Variants in TMEM184C observed in about 807,000 individuals in gnomAD.
TMEM184C encodes the protein transmembrane protein 184C, also known as transmembrane protein 34.
Under a neutral mutation model 54.5 loss-of-function variants are expected in TMEM184C, and 25 were observed. That is an observed-to-expected ratio of 0.46 (90% CI 0.33 to 0.64). The LOEUF (loss-of-function observed/expected upper bound fraction) is 0.64. Among genes scored for constraint, TMEM184C ranks in the 30% least tolerant of loss-of-function variants. The probability of loss-of-function intolerance (pLI) is 0.02; values close to 1 mark genes in which losing one functional copy is unlikely to be tolerated. For synonymous variants in TMEM184C, 148 were observed against 181.5 expected, an observed-to-expected ratio of 0.82 and a Z score of 1.49; for missense variants, 335 against 520.3, an observed-to-expected ratio of 0.64 and a Z score of 3.46.
intron 7 of TMEM184C, among the ~76,000 whole-genome samples, chr4:147,631,942 G>A (rs1732924130): frequency 6.6e-6 from 1 of 152,154 alleles, no homozygotes. Flanking sequence ...CACTTTGGGA[G>A]GCCAAGACAG....
intron 6 of TMEM184C, among the ~76,000 whole-genome samples, 170 bp from the exon 7 acceptor site, chr4:147,631,223 A>G (rs1324750401): frequency 6.6e-6 from 1 of 152,178 alleles, no homozygotes; most frequent in Non-Finnish European, 1.5e-5. Context: ...TATGTAGTAT[A>G]TATTCATCTA....
At chr4:147,631,806 A>G (rs1285011098) in intron 7 of TMEM184C, among the ~76,000 whole-genome samples, 1 of 152,224 alleles carries the variant, frequency 6.6e-6, no homozygotes, top group Non-Finnish European at 1.5e-5. Context: ...GGAAGAAAGC[A>G]TGATGTAGAA....
intron 1 of TMEM184C, among the ~76,000 whole-genome samples, chr4:147,623,435 A>G (rs1732750016): frequency 6.6e-6 from 1 of 151,190 alleles, no homozygotes; most frequent in African/African-American, 2.4e-5. Flanking sequence ...ACTGTCTCAA[A>G]AAAAAAAAAA....
At chr4:147,624,165 C>T in intron 3 of TMEM184C, 67 bp downstream of exon 3, 1 of 1,368,264 alleles carries the variant, frequency 7.3e-7, no homozygotes, top group Non-Finnish European at 1.0e-6. Context: ...TTACAGAATG[C>T]TTAAGATAAT....
At chr4:147,631,177 A>G (rs550381642) in intron 6 of TMEM184C, among the ~76,000 whole-genome samples, 1 of 152,246 alleles carries the variant, frequency 6.6e-6, no homozygotes, top group African/African-American at 2.4e-5. Context: ...GAACCCAGGA[A>G]GTGAACACTT....
chr4:147,628,552 G>A, intron 5 of TMEM184C, 117 bp downstream of exon 5: 1 of 798,488 alleles, frequency 1.3e-6, no homozygotes. Context: ...CTAGTCTGTT[G>A]TAAAAAAAAA....
chr4:147,626,546 A>G (rs1732818915), intron 4 of TMEM184C, among the ~76,000 whole-genome samples: 1 of 152,248 alleles, frequency 6.6e-6, no homozygotes, highest in Non-Finnish European at 1.5e-5. Flanking sequence ...TATGCAGTAC[A>G]GGACCATTTG....
At chr4:147,627,300 GT>G (rs35317897) in intron 4 of TMEM184C, among the ~76,000 whole-genome samples, 6,889 of 149,306 alleles carry the variant, frequency 0.046, 528 homozygotes, top group African/African-American at 0.16. Flanking sequence ...AGATTACTGT[GT>G]TTTTTTTTTG....
At chr4:147,630,616 T>C (rs1732899994) in intron 6 of TMEM184C, among the ~76,000 whole-genome samples, 2 of 152,078 alleles carry the variant, frequency 1.3e-5, no homozygotes, top group South Asian at 4.1e-4. Flanking sequence ...ATAGAAGTTA[T>C]GTATTTTAAG....
intron 4 of TMEM184C, among the ~76,000 whole-genome samples, chr4:147,625,488 A>T (rs1414489688): frequency 6.6e-6 from 1 of 152,248 alleles, no homozygotes; most frequent in African/African-American, 2.4e-5. Context: ...TTTGAAAAAT[A>T]AATTGAGTTT....
intron 5 of TMEM184C, among the ~76,000 whole-genome samples, chr4:147,628,986 T>C (rs1201113796): frequency 6.6e-6 from 1 of 152,178 alleles, no homozygotes; most frequent in Non-Finnish European, 1.5e-5. Flanking sequence ...TACTAACATT[T>C]TGCATGCTCA....
Position 147,629,590 on chromosome 4 carries a change from T to G in TMEM184C, c.573-9T>G. On this transcript the variant is annotated splice_polypyrimidine_tract_variant and intron_variant, in intron 5 of 9. Coordinates refer to ENST00000296582, the MANE Select transcript of TMEM184C (RefSeq NM_018241.3). Reference sequence around the variant, plus strand: ...TTAATCAGAGATATCTCATTTTTACTATTTTTAGAATCTGTGAGCTGCTTG... The same window carrying G: ...TTAATCAGAGATATCTCATTTTTACGATTTTTAGAATCTGTGAGCTGCTTG... 6.3e-7 allele frequency: 1 copy of G among 1,584,060 alleles called. No homozygotes were observed. Among genetic ancestry groups the G allele is most frequent in the Non-Finnish European group, 8.6e-7 (1 of 1,166,438 alleles).
chr4:147,617,820 C>G lies in TMEM184C; in HGVS notation c.-137C>G. 3 of 1,243,782 alleles carry G rather than the reference C, an allele frequency of 2.4e-6. No individual in the cohort carries two copies. The highest frequency in any genetic ancestry group is 4.7e-5 in the East Asian group (2 of 42,204). The allele number at this position is 1,243,782 out of a possible 1,614,324, so 77.0% of individuals were successfully genotyped here. A position where few individuals can be genotyped will look rare whatever the true frequency, so the allele number is the denominator to read the frequency against. ...CACAGCGCCGGTCCAGGAGGCGGCT[C>G]GAGCTGTTCGTAAAGTCGCCCGACA... On this transcript the variant is annotated 5_prime_UTR_variant, in exon 1 of 10. Transcript: ENST00000296582.
chr4:147,628,187 T>C (rs1340166320), intron 4 of TMEM184C, among the ~76,000 whole-genome samples, 174 bp from the exon 5 acceptor site: 2 of 152,186 alleles, frequency 1.3e-5, no homozygotes, highest in Non-Finnish European at 2.9e-5. Flanking sequence ...ATTTAGATAA[T>C]TTGTTTCCTG....
At chr4:147,633,148 G>T in intron 8 of TMEM184C, 146 bp downstream of exon 8, 1 of 591,130 alleles carries the variant, frequency 1.7e-6, no homozygotes, top group Non-Finnish European at 2.9e-6. Flanking sequence ...TAGAGAAATT[G>T]GCCATAATTA....
At chr4:147,626,955 A>T (rs1334649833) in intron 4 of TMEM184C, among the ~76,000 whole-genome samples, 1 of 152,228 alleles carries the variant, frequency 6.6e-6, no homozygotes, top group Non-Finnish European at 1.5e-5. Context: ...CGAATGCAGA[A>T]TTACGAAGAG....
At chr4:147,622,062 G>A (rs1192965013) in intron 1 of TMEM184C, among the ~76,000 whole-genome samples, 1 of 146,484 alleles carries the variant, frequency 6.8e-6, no homozygotes, top group East Asian at 2.0e-4. Flanking sequence ...ATGGCTCACT[G>A]CAGCTTTGAC....
chr4:147,633,690 A>G, intron 8 of TMEM184C, 75 bp from the exon 9 acceptor site: 1 of 1,241,548 alleles, frequency 8.1e-7, no homozygotes, highest in South Asian at 2.5e-5. Context: ...TTGAAAAGCA[A>G]GTAGAGAAAG....
chr4:147,623,611 C>T (rs1451451678), intron 1 of TMEM184C, among the ~76,000 whole-genome samples: 2 of 146,748 alleles, frequency 1.4e-5, no homozygotes, highest in African/African-American at 4.9e-5. Flanking sequence ...ATATAAAAGT[C>T]CCCCCTCCCC....
Sources: gnomAD v4.1 joint callset for allele counts (sites outside exome capture counted in the v4.1 genomes callset) on GRCh38, gnomAD v4.1.1 for gene constraint, MANE v1.5 for transcripts, NCBI Gene and HGNC (gene_info 2026-07-23, HGNC 2026-07-21) for gene names.